PLXNA4: variants seen among roughly 807,000 people sequenced by gnomAD.
The protein encoded by PLXNA4 is plexin A4.
PLXNA4 carries 44 observed loss-of-function variants against 191.8 expected under a neutral mutation model. The ratio of observed to expected loss-of-function variants is 0.23; its 90% CI spans 0.18 to 0.29. The LOEUF is 0.29. Among genes scored for constraint, PLXNA4 ranks in the 10% least tolerant of loss-of-function variants. The pLI is 1.00. For missense variants in PLXNA4, 1,800 were observed against 2,488.8 expected (o/e 0.72, Z 5.89); for synonymous variants, 1,082 against 1,009.5 (o/e 1.07, Z -1.36).
At position 132,131,380 on chromosome 7, in the gene PLXNA4, C is replaced by A. The variant is rs540659417; in HGVS notation, c.5590-806G>T. On this transcript the variant is annotated intron_variant, in intron 31 of 31. Transcript: ENST00000321063. ...AACTGTTAATGTAGGAATGACTAAT[C>A]CACCTCCAGGGGAGAGGATGTCAGA... 2.0e-5 allele frequency among the ~76,000 whole-genome samples: 3 copies of A among 152,120 alleles called. No homozygotes were observed. The South Asian group carries it at 6.3e-4, about 32-fold the overall frequency.
intron 2 of PLXNA4, among the ~76,000 whole-genome samples, chr7:132,496,778 G>A (rs1424167366): frequency 6.6e-6 from 1 of 152,158 alleles, no homozygotes; most frequent in African/African-American, 2.4e-5. Context: ...CAGGATCAGA[G>A]GAAGGCAGGG....
At chr7:132,138,064 AC>A (rs1396589366) in intron 30 of PLXNA4, among the ~76,000 whole-genome samples, 3 of 152,176 alleles carry the variant, frequency 2.0e-5, no homozygotes, top group Admixed American at 6.5e-5. Flanking sequence ...GACTCAACAT[AC>A]TGGCAGAATC....
At chr7:132,493,699 A>C (rs1181924967) in intron 2 of PLXNA4, among the ~76,000 whole-genome samples, 2 of 150,534 alleles carry the variant, frequency 1.3e-5, no homozygotes, top group African/African-American at 4.9e-5. Context: ...GGATGGATGG[A>C]TAGGTGGATG....
At chr7:132,629,231 G>T (rs1040271682) in intron 2 of PLXNA4, among the ~76,000 whole-genome samples, 7 of 152,140 alleles carry the variant, frequency 4.6e-5, no homozygotes, top group Admixed American at 1.3e-4. Flanking sequence ...GGGAATAAGA[G>T]GCCTCAGTAA....
chr7:132,251,326 C>T (rs960674998), intron 4 of PLXNA4, among the ~76,000 whole-genome samples: 2 of 152,182 alleles, frequency 1.3e-5, no homozygotes, highest in Non-Finnish European at 2.9e-5. Context: ...ATGGCCCCTT[C>T]TGAACTGGGA....
intron 14 of PLXNA4, among the ~76,000 whole-genome samples, chr7:132,189,804 C>A (rs1190462005): frequency 6.6e-6 from 1 of 152,170 alleles, no homozygotes; most frequent in Admixed American, 6.5e-5. Context: ...GTCCCTCACT[C>A]CCACCTGGAA....
intron 10 of PLXNA4, among the ~76,000 whole-genome samples, chr7:132,207,177 A>AGTCCAGAG (rs1255664037): frequency 1.3e-5 from 2 of 152,218 alleles, no homozygotes; most frequent in Non-Finnish European, 2.9e-5. Context: ...GTCCATCTCT[A>AGTCCAGAG]GTCCAGAGGG....
rs562342102 is a variant in PLXNA4 at position 132,352,335 on chromosome 7, T to G, written c.1372-54113A>C. 3.3e-5 allele frequency: 5 copies of G among 152,138 alleles called. No homozygotes were observed. In the East Asian group the frequency reaches 9.7e-4, roughly 30 times the overall value. The allele number at this position is 152,138 out of a possible 1,614,324, so 9.4% of individuals were successfully genotyped here. ...TCCGGTACTCGGTGGCTGTAGGAGG[T>G]GCAGAGCTGTGCGTGCCTGCCGAGG... On this transcript the variant is annotated intron_variant, in intron 3 of 31. Coordinates refer to ENST00000321063, the MANE Select transcript of PLXNA4 (RefSeq NM_020911.2).
In PLXNA4 at chr7:132,284,264, A is replaced by T. The variant is rs567317567; in HGVS notation, c.1503+13827T>A. ...AAAGAAAGCTTTTGTTTTAAAAAAA[A>T]GTCCTGCAGAATTTTTGTTCTAAGA... On this transcript the variant is annotated intron_variant, in intron 4 of 31. Transcript: ENST00000321063. Among the ~76,000 whole-genome samples the T allele has an allele frequency of 2.0e-5, 3 of 152,354 alleles. No homozygotes were observed. The South Asian group carries it at 6.2e-4, about 32-fold the overall frequency.
chr7:132,423,522 C>A (rs961184593), intron 3 of PLXNA4, among the ~76,000 whole-genome samples: 1 of 152,118 alleles, frequency 6.6e-6, no homozygotes, highest in Non-Finnish European at 1.5e-5. Flanking sequence ...AGATTTGGGG[C>A]CAGAATATCA....
chr7:132,449,930 A>G (rs1183245623), intron 3 of PLXNA4, among the ~76,000 whole-genome samples: 1 of 152,198 alleles, frequency 6.6e-6, no homozygotes, highest in Non-Finnish European at 1.5e-5. Context: ...AAACTTACAG[A>G]GCTCAGCGGC....
intron 2 of PLXNA4, among the ~76,000 whole-genome samples, chr7:132,502,640 C>T (rs1798302400): frequency 6.6e-6 from 1 of 152,184 alleles, no homozygotes; most frequent in African/African-American, 2.4e-5. Flanking sequence ...TTGTGAAACA[C>T]CACGGGAAGA....
chr7:132,371,685 G>A (rs1460726801), intron 3 of PLXNA4, among the ~76,000 whole-genome samples: 1 of 152,176 alleles, frequency 6.6e-6, no homozygotes, highest in African/African-American at 2.4e-5. Context: ...GATGTTCACA[G>A]CCGTCCTTGA....
chr7:132,462,586 CTTCTT>C (rs1460508378), intron 3 of PLXNA4, among the ~76,000 whole-genome samples: 4 of 151,932 alleles, frequency 2.6e-5, no homozygotes, highest in Admixed American at 1.3e-4. Context: ...ACTCAAGTAT[CTTCTT>C]TTATTTAAAA....
At chr7:132,545,324 G>A (rs1038954806) in intron 1 of PLXNA4, among the ~76,000 whole-genome samples, 1 of 152,190 alleles carries the variant, frequency 6.6e-6, no homozygotes, top group Non-Finnish European at 1.5e-5. Context: ...AAAGGAGAAT[G>A]AGGTTGAACA....
intron 3 of PLXNA4, among the ~76,000 whole-genome samples, chr7:132,359,631 TA>T: frequency 6.6e-6 from 1 of 152,210 alleles, no homozygotes; most frequent in East Asian, 1.9e-4. Flanking sequence ...CCTAAGGTCT[TA>T]AATTATTATT....
At chr7:132,629,363 T>A (rs1803447858) in intron 2 of PLXNA4, among the ~76,000 whole-genome samples, 1 of 152,228 alleles carries the variant, frequency 6.6e-6, no homozygotes, top group Non-Finnish European at 1.5e-5. Flanking sequence ...GATAGATACC[T>A]GAGTATGTAG....
chr7:132,328,162 C>T (rs569974547), intron 3 of PLXNA4, among the ~76,000 whole-genome samples: 20 of 152,102 alleles, frequency 1.3e-4, no homozygotes, highest in Non-Finnish European at 1.8e-4. Context: ...GTCACTGGGT[C>T]GGGCGGGCGC....
At chr7:132,275,692 T>C (rs545867309) in intron 4 of PLXNA4, among the ~76,000 whole-genome samples, 1 of 152,254 alleles carries the variant, frequency 6.6e-6, no homozygotes, top group East Asian at 1.9e-4. Context: ...ATTGCTGCTA[T>C]TGTGGATGGA....
Sources: allele counts gnomAD v4.1 joint callset (sites outside exome capture counted in the v4.1 genomes callset), GRCh38; gene constraint gnomAD v4.1.1; transcripts MANE v1.5; gene names NCBI Gene and HGNC (gene_info 2026-07-23, HGNC 2026-07-21).